The following CDH13 variants were observed in gnomAD, a reference collection of about 807,000 sequenced individuals.
The protein encoded by CDH13 is cadherin 13, also known as cadherin-13.
CDH13 carries 24 observed loss-of-function variants against 63.8 expected under a neutral mutation model. The ratio of observed to expected loss-of-function variants is 0.38; its 90% CI spans 0.27 to 0.53. The LOEUF (loss-of-function observed/expected upper bound fraction) is 0.53, where lower values mean the gene tolerates loss of function less well. Among genes scored for constraint, CDH13 ranks in the 20% least tolerant of loss-of-function variants. The pLI, the probability that CDH13 is intolerant of heterozygous loss-of-function variation, is 0.85. For synonymous variants in CDH13, 503 were observed against 355.3 expected, an observed-to-expected ratio of 1.42 and a Z score of -4.67; for missense variants, 1,049 against 903.1, an observed-to-expected ratio of 1.16 and a Z score of -2.07.
intron 6 of CDH13, among the ~76,000 whole-genome samples, chr16:83,430,359 C>T (rs2072059032): frequency 6.6e-6 from 1 of 152,098 alleles, no homozygotes; most frequent in Non-Finnish European, 1.5e-5. Context: ...AAGAGGACTC[C>T]AAAGACAGAA....
intron 10 of CDH13, among the ~76,000 whole-genome samples, chr16:83,728,080 A>G (rs983717082): frequency 6.6e-6 from 1 of 152,178 alleles, no homozygotes; most frequent in South Asian, 2.1e-4. Flanking sequence ...TTATGCGGCA[A>G]CACATACTCA....
chr16:82,882,327 T>C (rs979883951), intron 2 of CDH13, among the ~76,000 whole-genome samples: 37 of 152,296 alleles, frequency 2.4e-4, no homozygotes, highest in Middle Eastern at 3.4e-3. Flanking sequence ...TCATCTTCCT[T>C]TGGAGACCAG....
At chr16:83,683,468 G>A (rs1380334808) in intron 10 of CDH13, among the ~76,000 whole-genome samples, 4 of 152,072 alleles carry the variant, frequency 2.6e-5, no homozygotes, top group Non-Finnish European at 2.9e-5. Flanking sequence ...TACCAAAATT[G>A]GCTTGCATTA....
chr16:83,505,962 C>A (rs2074385770), intron 7 of CDH13, among the ~76,000 whole-genome samples: 2 of 152,164 alleles, frequency 1.3e-5, no homozygotes, highest in African/African-American at 4.8e-5. Flanking sequence ...CCACCTTACC[C>A]CGGGAGAAGC....
chr16:82,801,836 C>T (rs1275752070), intron 1 of CDH13, among the ~76,000 whole-genome samples: 2 of 152,200 alleles, frequency 1.3e-5, no homozygotes, highest in Admixed American at 1.3e-4. Context: ...TGTTCACGTT[C>T]GTGCCAACTC....
At chr16:83,605,935 A>T (rs1170402463) in intron 8 of CDH13, among the ~76,000 whole-genome samples, 1 of 152,200 alleles carries the variant, frequency 6.6e-6, no homozygotes, top group Non-Finnish European at 1.5e-5. Flanking sequence ...CATCACTATG[A>T]GATCAGGCCT....
intron 5 of CDH13, among the ~76,000 whole-genome samples, chr16:83,341,989 C>CACACACACA (rs2090733078): frequency 7.2e-6 from 1 of 138,072 alleles, no homozygotes; most frequent in Non-Finnish European, 1.6e-5. Flanking sequence ...GTGTCCCCTG[C>CACACACACA]CACACACACA....
At chr16:83,022,769 C>T (rs937467413) in intron 2 of CDH13, among the ~76,000 whole-genome samples, 1 of 152,186 alleles carries the variant, frequency 6.6e-6, no homozygotes, top group Non-Finnish European at 1.5e-5. Flanking sequence ...TGTGCAGACA[C>T]ATTTGCAAAG....
At chr16:82,767,929 G>A (rs1364017974) in intron 1 of CDH13, among the ~76,000 whole-genome samples, 2 of 152,184 alleles carry the variant, frequency 1.3e-5, no homozygotes, top group African/African-American at 4.8e-5. Flanking sequence ...CAAAAGGAGT[G>A]GATCTAGAGT....
intron 1 of CDH13, chr16:82,719,225 C>T (rs796488284): frequency 1.2e-4 from 39 of 321,348 alleles, no homozygotes; most frequent in African/African-American, 3.7e-4. Flanking sequence ...GGAGTTTCCA[C>T]GAGCAGGAAC....
At chr16:82,686,832 C>T (rs1434758359) in intron 1 of CDH13, among the ~76,000 whole-genome samples, 1 of 152,138 alleles carries the variant, frequency 6.6e-6, no homozygotes, top group Admixed American at 6.5e-5. Flanking sequence ...CCATAACACC[C>T]CCACCATGTG....
At chr16:83,506,726 C>T (rs1318070628) in intron 7 of CDH13, among the ~76,000 whole-genome samples, 2 of 152,212 alleles carry the variant, frequency 1.3e-5, no homozygotes, top group Admixed American at 6.5e-5. Context: ...TTATTCTTGT[C>T]CTTTCTTGCT....
intron 10 of CDH13, among the ~76,000 whole-genome samples, chr16:83,709,130 A>G (rs1030091237): frequency 2.2e-4 from 34 of 152,232 alleles, no homozygotes; most frequent in African/African-American, 8.2e-4. Flanking sequence ...CATTGGAGCC[A>G]CATAAGGAAG....
chr16:83,652,322 G>C (rs535517692), intron 8 of CDH13, among the ~76,000 whole-genome samples: 1 of 152,184 alleles, frequency 6.6e-6, no homozygotes, highest in African/African-American at 2.4e-5. Flanking sequence ...TCTTGTCCTT[G>C]TTTGTGCTGT....
At chr16:83,507,376 C>G (rs1489524910) in intron 7 of CDH13, among the ~76,000 whole-genome samples, 1 of 152,184 alleles carries the variant, frequency 6.6e-6, no homozygotes, top group East Asian at 1.9e-4. Flanking sequence ...TGTGTTAGAA[C>G]CTGGGGAAAT....
intron 1 of CDH13, among the ~76,000 whole-genome samples, chr16:82,735,138 GA>G (rs2033607783): frequency 6.6e-6 from 1 of 152,158 alleles, no homozygotes; most frequent in African/African-American, 2.4e-5. Flanking sequence ...AAAGTAAAAG[GA>G]AACAAGCCAA....
At chr16:83,431,634 G>A (rs1284373539) in intron 6 of CDH13, among the ~76,000 whole-genome samples, 3 of 152,102 alleles carry the variant, frequency 2.0e-5, no homozygotes, top group African/African-American at 4.8e-5. Flanking sequence ...AATCATGCAC[G>A]AAGAGAAAGG....
chr16:83,794,678 C>G (rs1394368980), intron 13 of CDH13, among the ~76,000 whole-genome samples: 3 of 151,864 alleles, frequency 2.0e-5, no homozygotes, highest in Non-Finnish European at 4.4e-5. Flanking sequence ...GGGATAATCA[C>G]CAATCTCTAA....
intron 6 of CDH13, among the ~76,000 whole-genome samples, chr16:83,395,459 A>G (rs766480347): frequency 2.0e-5 from 3 of 152,116 alleles, no homozygotes; most frequent in Non-Finnish European, 4.4e-5. Context: ...GATACCAAGA[A>G]GTTACCTCCT....
Sources: allele counts gnomAD v4.1 joint callset (sites outside exome capture counted in the v4.1 genomes callset), GRCh38; gene constraint gnomAD v4.1.1; transcripts MANE v1.5; gene names NCBI Gene and HGNC (gene_info 2026-07-23, HGNC 2026-07-21).